The following FIG4 variants were observed in gnomAD, a reference collection of about 807,000 sequenced individuals.
The protein encoded by FIG4 is polyphosphoinositide phosphatase.
A neutral mutation model predicts 118.6 loss-of-function variants in FIG4; 112 were observed. The observed-to-expected ratio is 0.94, with a 90% CI of 0.81 to 1.11. The LOEUF is 1.11. Among genes scored for constraint, FIG4 ranks in the 50% least tolerant of loss-of-function variants. The pLI, the probability that FIG4 is intolerant of heterozygous loss-of-function variation, is 0.00. For synonymous variants in FIG4, 369 were observed against 381.2 expected, an observed-to-expected ratio of 0.97 and a Z score of 0.37; for missense variants, 969 against 1,111.7, an observed-to-expected ratio of 0.87 and a Z score of 1.83.
chr6:109,722,535 C>T (rs2128382878), intron 3 of FIG4, among the ~76,000 whole-genome samples: 1 of 152,144 alleles, frequency 6.6e-6, no homozygotes, highest in East Asian at 1.9e-4. Context: ...GACACACACA[C>T]ACATACAGAG....
At position 109,736,975 on chromosome 6, in the gene FIG4, A is replaced by G. The variant is rs898594766; in HGVS notation, c.647-1350A>G. ...CTACATTACATTACCTGACACTCATACTCCTGTTTTCCTCTTTGACTTACA... is the reference window on the plus strand; with the variant it reads ...CTACATTACATTACCTGACACTCATGCTCCTGTTTTCCTCTTTGACTTACA... On this transcript the variant is annotated intron_variant, in intron 6 of 22. Coordinates refer to ENST00000230124, the MANE Select transcript of FIG4 (RefSeq NM_014845.6). Among the ~76,000 whole-genome samples the G allele has an allele frequency of 2.6e-5, 4 of 151,556 alleles. No homozygotes were observed. In the East Asian group the frequency reaches 7.8e-4, roughly 29 times the overall value.
At chr6:109,703,937 G>C (rs1774980329) in intron 1 of FIG4, among the ~76,000 whole-genome samples, 1 of 152,126 alleles carries the variant, frequency 6.6e-6, no homozygotes, top group South Asian at 2.1e-4. Flanking sequence ...AGTTCCTCAG[G>C]CTAGCTTTTT....
chr6:109,796,932 A>C, intron 22 of FIG4, 81 bp downstream of exon 22: 1 of 867,446 alleles, frequency 1.2e-6, no homozygotes, highest in Non-Finnish European at 2.0e-6. Context: ...TTTTAAGAAA[A>C]AGATTCACTC....
At chr6:109,760,171 G>C in intron 10 of FIG4, 79 bp from the exon 11 acceptor site, 1 of 1,273,422 alleles carries the variant, frequency 7.9e-7, no homozygotes, top group Non-Finnish European at 1.1e-6. Context: ...TCTTAGCTTA[G>C]CTTAAAAGTA....
chr6:109,715,397 T>A (rs1775400015), intron 2 of FIG4, among the ~76,000 whole-genome samples: 1 of 152,180 alleles, frequency 6.6e-6, no homozygotes, highest in Non-Finnish European at 1.5e-5. Context: ...TCGTTTTGAC[T>A]TGTTTTCGAA....
At chr6:109,783,884 A>G (rs1206537194) in intron 16 of FIG4, among the ~76,000 whole-genome samples, 1 of 152,242 alleles carries the variant, frequency 6.6e-6, no homozygotes, top group East Asian at 1.9e-4. Context: ...AAACTTTAGG[A>G]ACCTTTCCTG....
chr6:109,791,704 A>G, intron 20 of FIG4, 133 bp downstream of exon 20: 3 of 764,208 alleles, frequency 3.9e-6, no homozygotes, highest in Non-Finnish European at 6.8e-6. Context: ...GGCACTGCAT[A>G]AGATGAATAC....
At chr6:109,753,632 G>C (rs1776783739) in intron 10 of FIG4, among the ~76,000 whole-genome samples, 2 of 152,114 alleles carry the variant, frequency 1.3e-5, no homozygotes, top group African/African-American at 4.8e-5. Flanking sequence ...GCAGTGGTTT[G>C]TAGTCCTCCT....
intron 22 of FIG4, among the ~76,000 whole-genome samples, chr6:109,805,812 G>A (rs1778549675): frequency 6.6e-6 from 1 of 151,652 alleles, no homozygotes; most frequent in South Asian, 2.1e-4. Context: ...AAAACTTTTA[G>A]GTTTATTTCA....
chr6:109,713,407 C>T (rs538632856), intron 1 of FIG4, among the ~76,000 whole-genome samples: 1 of 152,252 alleles, frequency 6.6e-6, no homozygotes, highest in Non-Finnish European at 1.5e-5. Flanking sequence ...GGTCTATATA[C>T]ACTCTCTGTG....
intron 10 of FIG4, among the ~76,000 whole-genome samples, chr6:109,747,260 T>C (rs1276863915): frequency 6.6e-6 from 1 of 152,000 alleles, no homozygotes; most frequent in Non-Finnish European, 1.5e-5. Flanking sequence ...ATGGATGAGA[T>C]GCCCATGTGG....
chr6:109,756,264 C>A lies in FIG4; in HGVS notation c.1138-3986C>A, dbSNP rs570037999. Among the ~76,000 whole-genome samples, 43 of 152,182 alleles carry A rather than the reference C, an allele frequency of 2.8e-4. 2 individuals carry two copies. In the South Asian group the frequency reaches 8.3e-3, roughly 29 times the overall value. On this transcript the variant is annotated intron_variant, in intron 10 of 22. Transcript: ENST00000230124. ...TTCTTTAAGAATGTTGAATATTGGCCCCCACTCTCTTCTGGCTTGTAGAGT... is the reference window on the plus strand; with the variant it reads ...TTCTTTAAGAATGTTGAATATTGGCACCCACTCTCTTCTGGCTTGTAGAGT...
At chr6:109,778,603 G>GTTTT (rs1777692283) in intron 16 of FIG4, among the ~76,000 whole-genome samples, 2 of 151,694 alleles carry the variant, frequency 1.3e-5, no homozygotes, top group African/African-American at 4.8e-5. Context: ...TTGTTTGTTT[G>GTTTT]TTTGTTTTTT....
At chr6:109,743,624 T>A (rs750255090) in intron 9 of FIG4, 51 bp from the exon 10 acceptor site, 2 of 1,397,620 alleles carry the variant, frequency 1.4e-6, no homozygotes, top group South Asian at 2.3e-5. Context: ...CTTCTTTTAT[T>A]TTGCTTTGCA....
chr6:109,743,017 AT>A, intron 8 of FIG4, 92 bp from the exon 9 acceptor site: 1 of 1,119,178 alleles, frequency 8.9e-7, no homozygotes, highest in Non-Finnish European at 1.3e-6. Flanking sequence ...TTATAACTTC[AT>A]TGAAAGAATA....
chr6:109,739,492 T>C (rs1323568416), intron 7 of FIG4, among the ~76,000 whole-genome samples: 1 of 152,150 alleles, frequency 6.6e-6, no homozygotes, highest in African/African-American at 2.4e-5. Context: ...GTATTTGTAA[T>C]GGATTTGTAT....
chr6:109,719,188 G>A (rs919619162), intron 3 of FIG4, among the ~76,000 whole-genome samples: 1 of 152,122 alleles, frequency 6.6e-6, no homozygotes, highest in Non-Finnish European at 1.5e-5. Context: ...CAAAGTGCTG[G>A]GATTGCAGAT....
rs202167631 is a variant in FIG4, at chr6:109,695,601, GAC to G, written c.66+4122_66+4123del. Among the ~76,000 whole-genome samples the G allele has an allele frequency of 1.0e-3, 99 of 99,114 alleles. No homozygotes were observed. In the East Asian group the frequency reaches 0.016, roughly 16 times the overall value. The allele number at this position is 99,114 out of a possible 152,430, so 65.0% of individuals were successfully genotyped here. A position where few individuals can be genotyped will look rare whatever the true frequency, so the allele number is the denominator to read the frequency against. On this transcript the variant is annotated intron_variant, in intron 1 of 22. Coordinates refer to ENST00000230124, the MANE Select transcript of FIG4 (RefSeq NM_014845.6). ...GAATACACACACACACACACACACAGACACACACACACACACACACACAATGT... is the reference window on the plus strand; with the variant it reads ...GAATACACACACACACACACACACAGACACACACACACACACACACAATGT...
chr6:109,714,855 A>G (rs1315570228), intron 1 of FIG4, among the ~76,000 whole-genome samples: 1 of 152,196 alleles, frequency 6.6e-6, no homozygotes, highest in East Asian at 1.9e-4. Context: ...CATTTCAGAC[A>G]TCAGACTGAT....
Sources: allele counts gnomAD v4.1 joint callset (sites outside exome capture counted in the v4.1 genomes callset), GRCh38; gene constraint gnomAD v4.1.1; transcripts MANE v1.5; gene names NCBI Gene and HGNC (gene_info 2026-07-23, HGNC 2026-07-21).